Variants in WDR25 observed in about 807,000 individuals in gnomAD.
The protein encoded by WDR25 is WD repeat domain 25, also known as WD repeat-containing protein 25.
Under a neutral mutation model 47.7 loss-of-function variants are expected in WDR25, and 35 were observed. The observed-to-expected ratio is 0.73, with a 90% CI of 0.56 to 0.97. WDR25 has a LOEUF of 0.97. Ranked by LOEUF, WDR25 falls within the 50% of genes least tolerant of loss-of-function variation. The probability of loss-of-function intolerance (pLI) is 0.00; values close to 1 mark genes in which losing one functional copy is unlikely to be tolerated. For synonymous variants in WDR25, 248 were observed against 278.9 expected, an observed-to-expected ratio of 0.89 and a Z score of 1.10; for missense variants, 634 against 704.7, an observed-to-expected ratio of 0.90 and a Z score of 1.14.
intron 2 of WDR25, chr14:100,454,375 G>A: frequency 7.8e-7 from 1 of 1,287,148 alleles, no homozygotes; most frequent in Non-Finnish European, 1.0e-6. Context: ...GTGTGAGGGT[G>A]GAGGTGAGGA....
At chr14:100,390,426 T>TGC (rs1555386374) in intron 2 of WDR25, among the ~76,000 whole-genome samples, 10 of 150,482 alleles carry the variant, frequency 6.6e-5, no homozygotes, top group Admixed American at 1.3e-4. Context: ...TGTGTGTGTG[T>TGC]GCATGCACAC....
In WDR25 at chr14:100,392,152, A is replaced by T. The variant is rs572809913; in HGVS notation, c.822+10406A>T. The stretch of plus-strand genomic sequence containing the variant: ...ATATTTTAAAATGTCCTCAGTTTTC[A>T]CTTCTAATACGCGAAGTACCCATAG... On this transcript the variant is annotated intron_variant, in intron 2 of 6. Coordinates refer to ENST00000402312, the MANE Select transcript of WDR25 (RefSeq NM_001161476.3). The surrounding 1 kb of genome is among the most constrained non-coding windows in gnomAD (Gnocchi z 4.2). 4.4e-4 allele frequency among the ~76,000 whole-genome samples: 67 copies of T among 152,168 alleles called. 1 individual carries two copies. The highest frequency in any genetic ancestry group is 7.1e-4 in the Non-Finnish European group (48 of 68,034).
rs1173336403 is a variant in WDR25, at chr14:100,529,536, G to A, written c.1414-284G>A. 17 of 590,136 alleles carry A rather than the reference G, an allele frequency of 2.9e-5. No individual in the cohort carries two copies. The highest frequency in any genetic ancestry group is 4.2e-5 in the Non-Finnish European group (14 of 333,164). 36.6% of individuals were successfully genotyped at this position (590,136 alleles called of 1,614,324 possible). A position where few individuals can be genotyped will look rare whatever the true frequency, so the allele number is the denominator to read the frequency against. ...TCCTCACTGAGGCCAAGCCTTGCTG[G>A]GGTGGAAGGGGCTGGGTGCTTAGTG... On this transcript the variant is annotated intron_variant, in intron 6 of 6. Transcript: ENST00000402312. This position sits in a 1 kb window ranked among gnomAD's most constrained non-coding sequence, Gnocchi z 5.1.
rs149759823 is a variant in WDR25 at position 100,486,625 on chromosome 14, G to A, written c.1101+2501G>A. 9.3e-4 allele frequency among the ~76,000 whole-genome samples: 141 copies of A among 152,294 alleles called. 2 individuals are homozygous for A. The highest frequency in any genetic ancestry group is 3.1e-3 in the African/African-American group (130 of 41,570). On this transcript the variant is annotated intron_variant, in intron 4 of 6. Coordinates refer to ENST00000402312, the MANE Select transcript of WDR25 (RefSeq NM_001161476.3). Reference sequence around the variant, plus strand: ...AGGAGGCACAGCCCCCTGCCCTCCAGGGACTCCCGCCTGGGGCTGCTCACT... The same window carrying A: ...AGGAGGCACAGCCCCCTGCCCTCCAAGGACTCCCGCCTGGGGCTGCTCACT...
chr14:100,459,892 GTGTATATATATATATATA>G (rs1173334033), intron 2 of WDR25, among the ~76,000 whole-genome samples: 5 of 35,186 alleles, frequency 1.4e-4, no homozygotes, highest in Non-Finnish European at 2.3e-4. Context: ...ATGTGTGTGT[GTGTATATATATATATATA>G]TATATATATA....
Position 100,515,127 on chromosome 14 carries a change from A to G in WDR25, c.1102-10743A>G, listed in dbSNP as rs139587884. Among the ~76,000 whole-genome samples, 130 of 152,198 alleles carry G rather than the reference A, an allele frequency of 8.5e-4. No homozygotes were observed. The East Asian group carries it at 0.016, about 19-fold the overall frequency. On this transcript the variant is annotated intron_variant, in intron 4 of 6. Transcript: ENST00000402312. Reference sequence around the variant, plus strand: ...TGCATCTTTTCTCTGTCTGCTTTTTAAGATTTTTCTCTTTACCATTGGCTT... The same window carrying G: ...TGCATCTTTTCTCTGTCTGCTTTTTGAGATTTTTCTCTTTACCATTGGCTT...
chr14:100,390,391 C>CTGTGTGTGTGTGTGTGTGTGTG (rs55802109), intron 2 of WDR25, among the ~76,000 whole-genome samples: 78 of 146,710 alleles, frequency 5.3e-4, no homozygotes, highest in Non-Finnish European at 8.2e-4. Flanking sequence ...TGACCAAAAG[C>CTGTGTGTGTGTGTGTGTGTGTG]TGTGTGTGTG....
intron 2 of WDR25, among the ~76,000 whole-genome samples, chr14:100,460,481 G>C (rs73349453): frequency 6.6e-6 from 1 of 152,076 alleles, no homozygotes. Flanking sequence ...CATGACCAAG[G>C]AGGATTTGTC....
chr14:100,510,337 T>C (rs992229179), intron 4 of WDR25, among the ~76,000 whole-genome samples: 3 of 152,032 alleles, frequency 2.0e-5, no homozygotes, highest in Non-Finnish European at 4.4e-5. Flanking sequence ...GGCACGATCA[T>C]GGCTCCTGCA....
chr14:100,470,036 A>G (rs1375256566), intron 3 of WDR25, among the ~76,000 whole-genome samples: 1 of 152,262 alleles, frequency 6.6e-6, no homozygotes, highest in Admixed American at 6.5e-5. Flanking sequence ...TGATGGAGAA[A>G]GACACAGGAA....
chr14:100,400,558 A>G (rs1443068167), intron 2 of WDR25, among the ~76,000 whole-genome samples: 1 of 152,242 alleles, frequency 6.6e-6, no homozygotes, highest in African/African-American at 2.4e-5. Context: ...TTAAGCCCTT[A>G]TTACTGTGCT....
In WDR25 at chr14:100,381,344, C is replaced by T. The variant is rs1896889364; in HGVS notation, c.420C>T (p.Ser140=). 2 of 1,614,098 alleles carry T rather than the reference C, an allele frequency of 1.2e-6. No individual in the cohort carries two copies. The highest frequency in any genetic ancestry group is 1.7e-5 in the Admixed American group (1 of 60,006). The change falls in exon 2 of 7, where the codon TCC becomes TCT. Residue 140 remains serine, a synonymous_variant. Coordinates refer to ENST00000402312, the MANE Select transcript of WDR25 (RefSeq NM_001161476.3). ...CCCGCTTTAAGCAAGTAAAACTCTCCAGGAACTTTCCCAAGTCATCTTTCC... is the reference window on the plus strand; with the variant it reads ...CCCGCTTTAAGCAAGTAAAACTCTCTAGGAACTTTCCCAAGTCATCTTTCC... ...AAARFKQVKL[S]RNFPKSSFHA...
intron 2 of WDR25, among the ~76,000 whole-genome samples, chr14:100,418,238 C>T (rs1450092704): frequency 6.6e-6 from 1 of 151,286 alleles, no homozygotes; most frequent in East Asian, 2.0e-4. Flanking sequence ...GCCACTGTGC[C>T]CTGCCTTCTT....
chr14:100,503,455 G>C (rs1232546088), intron 4 of WDR25, among the ~76,000 whole-genome samples: 3 of 152,176 alleles, frequency 2.0e-5, no homozygotes, highest in Non-Finnish European at 4.4e-5. Context: ...TTTGAAAGCA[G>C]GTGCTTTATA....
At chr14:100,391,511 CA>C (rs1290980946) in intron 2 of WDR25, among the ~76,000 whole-genome samples, 8 of 152,086 alleles carry the variant, frequency 5.3e-5, no homozygotes, top group Non-Finnish European at 1.2e-4. Flanking sequence ...AACCTTTCCT[CA>C]AAAAAGAAAT....
intron 3 of WDR25, among the ~76,000 whole-genome samples, chr14:100,477,051 G>C (rs1007244183): frequency 2.6e-5 from 4 of 152,198 alleles, no homozygotes; most frequent in Non-Finnish European, 5.9e-5. Context: ...TGTTAACTAA[G>C]AACTTCTTAG....
intron 2 of WDR25, among the ~76,000 whole-genome samples, chr14:100,438,618 C>T (rs2140242936): frequency 6.6e-6 from 1 of 152,318 alleles, no homozygotes; most frequent in Non-Finnish European, 1.5e-5. Context: ...TTGCCCCATG[C>T]TCACGATCAT....
At chr14:100,485,176 G>A (rs888125168) in intron 4 of WDR25, among the ~76,000 whole-genome samples, 2 of 151,514 alleles carry the variant, frequency 1.3e-5, no homozygotes, top group African/African-American at 2.4e-5. Context: ...CCTAAGTAGA[G>A]GCTTGCTGCC....
At chr14:100,511,659 TGA>T (rs1901316236) in intron 4 of WDR25, among the ~76,000 whole-genome samples, 1 of 152,112 alleles carries the variant, frequency 6.6e-6, no homozygotes, top group African/African-American at 2.4e-5. Flanking sequence ...CTAGAAGTGG[TGA>T]GAGTGTGCAT....
Sources: allele counts gnomAD v4.1 joint callset (sites outside exome capture counted in the v4.1 genomes callset), GRCh38; gene constraint gnomAD v4.1.1; non-coding constraint Gnocchi (gnomAD v3.1); transcripts MANE v1.5; gene names NCBI Gene and HGNC (gene_info 2026-07-23, HGNC 2026-07-21).